Variants in PTPRD observed in about 807,000 individuals in gnomAD.
PTPRD encodes receptor-type tyrosine-protein phosphatase delta.
In PTPRD, 34 loss-of-function variants were observed where a neutral mutation model predicts 214.5. That is an observed-to-expected ratio of 0.16 (90% CI 0.12 to 0.21). PTPRD has a LOEUF of 0.21. Among genes scored for constraint, PTPRD ranks in the 10% least tolerant of loss-of-function variants. The pLI is 1.00. For synonymous variants in PTPRD, 1,128 were observed against 845.7 expected, an observed-to-expected ratio of 1.33 and a Z score of -5.79; for missense variants, 2,545 against 2,398.7, an observed-to-expected ratio of 1.06 and a Z score of -1.27.
At chr9:10,255,646 C>T (rs1362088621) in intron 3 of PTPRD, among the ~76,000 whole-genome samples, 1 of 152,122 alleles carries the variant, frequency 6.6e-6, no homozygotes, top group Non-Finnish European at 1.5e-5. Flanking sequence ...CAATAATAAA[C>T]TTAGCTTACT....
intron 10 of PTPRD, among the ~76,000 whole-genome samples, chr9:9,182,387 G>C (rs1382536337): frequency 6.6e-6 from 1 of 151,934 alleles, no homozygotes; most frequent in Non-Finnish European, 1.5e-5. Flanking sequence ...TAAGAGATTT[G>C]AGCATGCTAA....
chr9:9,203,089 T>G (rs540015900), intron 9 of PTPRD, among the ~76,000 whole-genome samples: 1 of 152,106 alleles, frequency 6.6e-6, no homozygotes, highest in Non-Finnish European at 1.5e-5. Context: ...AGTTTAAACT[T>G]CAAAACAAAT....
intron 7 of PTPRD, among the ~76,000 whole-genome samples, chr9:9,625,050 T>A (rs565650544): frequency 6.6e-6 from 1 of 152,298 alleles, no homozygotes; most frequent in South Asian, 2.1e-4. Flanking sequence ...GACTCTTAAA[T>A]CCATAGTGAT....
At chr9:8,493,953 C>T (rs959305112) in intron 26 of PTPRD, among the ~76,000 whole-genome samples, 1 of 151,836 alleles carries the variant, frequency 6.6e-6, no homozygotes, top group African/African-American at 2.4e-5. Context: ...TGCATGTACA[C>T]ATGCGCGCGT....
chr9:8,779,990 A>G (rs986894176), intron 11 of PTPRD, among the ~76,000 whole-genome samples: 5 of 152,164 alleles, frequency 3.3e-5, no homozygotes, highest in African/African-American at 9.6e-5. Context: ...ATCTTACTGC[A>G]CAATGTAACA....
chr9:9,793,244 C>T (rs2098979652), intron 5 of PTPRD, among the ~76,000 whole-genome samples: 2 of 152,078 alleles, frequency 1.3e-5, no homozygotes, highest in African/African-American at 4.8e-5. Context: ...ATTTTATCAT[C>T]CCATAGCTTT....
chr9:9,745,950 T>G (rs1480989800), intron 6 of PTPRD, among the ~76,000 whole-genome samples: 2 of 152,108 alleles, frequency 1.3e-5, no homozygotes, highest in Admixed American at 6.6e-5. Flanking sequence ...GCCCTTCTTA[T>G]TTAAAACAAT....
At chr9:9,204,034 T>G (rs2099943379) in intron 9 of PTPRD, among the ~76,000 whole-genome samples, 1 of 152,146 alleles carries the variant, frequency 6.6e-6, no homozygotes, top group Admixed American at 6.6e-5. Flanking sequence ...AATTTTGCCC[T>G]GAGTGATCCA....
At chr9:9,853,359 C>A (rs551971396) in intron 5 of PTPRD, among the ~76,000 whole-genome samples, 3 of 152,174 alleles carry the variant, frequency 2.0e-5, no homozygotes, top group African/African-American at 7.2e-5. Context: ...TTGGTTTTTT[C>A]TCAGCCATTT....
intron 11 of PTPRD, among the ~76,000 whole-genome samples, chr9:8,816,923 C>T (rs2096931583): frequency 6.6e-6 from 1 of 152,174 alleles, no homozygotes; most frequent in Non-Finnish European, 1.5e-5. Flanking sequence ...ATTGTCATTT[C>T]TTTGCAAACC....
At chr9:8,733,660 G>T (rs1431152718) in intron 12 of PTPRD, 120 bp downstream of exon 12, 7 of 1,001,530 alleles carry the variant, frequency 7.0e-6, no homozygotes, top group African/African-American at 3.2e-5. Flanking sequence ...GGAGGATCCC[G>T]CAGTGTCTCA....
At chr9:10,167,541 T>C (rs2099166794) in intron 3 of PTPRD, among the ~76,000 whole-genome samples, 1 of 152,160 alleles carries the variant, frequency 6.6e-6, no homozygotes, top group Non-Finnish European at 1.5e-5. Flanking sequence ...GAATACTCTT[T>C]TCTGAACTGT....
At chr9:10,482,260 A>G (rs1228493301) in intron 2 of PTPRD, among the ~76,000 whole-genome samples, 2 of 151,918 alleles carry the variant, frequency 1.3e-5, no homozygotes, top group Non-Finnish European at 2.9e-5. Flanking sequence ...AGTCCCAGCT[A>G]CTGAGGAGGC....
intron 9 of PTPRD, among the ~76,000 whole-genome samples, chr9:9,351,543 T>A (rs1316395393): frequency 6.6e-6 from 1 of 152,044 alleles, no homozygotes; most frequent in Non-Finnish European, 1.5e-5. Context: ...GAGGGCTTTA[T>A]TAATCAGGGA....
At position 8,776,397 on chromosome 9, in the gene PTPRD, G is replaced by C. The variant is rs189655545; in HGVS notation, c.-103-42451C>G. On this transcript the variant is annotated intron_variant, in intron 11 of 45. Transcript: ENST00000381196. ...GGCTCACTGCAGTATTGATCTTCCA[G>C]GGTCAGGTGATCCTGATACTTAGCG... Among the ~76,000 whole-genome samples the C allele has an allele frequency of 1.4e-4, 22 of 152,278 alleles. No homozygotes were observed. The East Asian group carries it at 1.5e-3, about 11-fold the overall frequency.
At chr9:10,348,657 A>G (rs1348292252) in intron 2 of PTPRD, among the ~76,000 whole-genome samples, 1 of 152,202 alleles carries the variant, frequency 6.6e-6, no homozygotes, top group African/African-American at 2.4e-5. Context: ...AACATTTGTT[A>G]CGTTATTTCA....
intron 5 of PTPRD, among the ~76,000 whole-genome samples, chr9:9,796,961 G>T (rs900276728): frequency 3.1e-4 from 47 of 152,212 alleles, no homozygotes; most frequent in African/African-American, 1.1e-3. Flanking sequence ...ATATTTAAAA[G>T]GATGGTGGTA....
At chr9:9,846,972 C>A (rs181184154) in intron 5 of PTPRD, among the ~76,000 whole-genome samples, 2 of 152,080 alleles carry the variant, frequency 1.3e-5, no homozygotes, top group African/African-American at 4.8e-5. Flanking sequence ...AATATCATGC[C>A]ATAAAATATA....
In PTPRD at chr9:8,465,465, C is replaced by T. The variant is rs200841828; in HGVS notation, c.3714+1G>A. 6.2e-7 allele frequency: 1 copy of T among 1,611,042 alleles called. No homozygotes were observed. On this transcript the variant is annotated splice_donor_variant, in intron 32 of 45. Coordinates refer to ENST00000381196, the MANE Select transcript of PTPRD (RefSeq NM_002839.4). LOFTEE classifies it high-confidence loss of function. ...AACAGATGCCATCATAATTAACTTA[C>T]AGACTCTGCATGTTCCATTACTGCT...
Sources: gnomAD v4.1 joint callset for allele counts (sites outside exome capture counted in the v4.1 genomes callset) on GRCh38, gnomAD v4.1.1 for gene constraint, MANE v1.5 for transcripts, NCBI Gene and HGNC (gene_info 2026-07-23, HGNC 2026-07-21) for gene names.